The following IKZF2 variants were observed in gnomAD, a reference collection of about 807,000 sequenced individuals.
The protein encoded by IKZF2 is IKAROS family zinc finger 2, also known as zinc finger protein Helios.
Under a neutral mutation model 49.2 loss-of-function variants are expected in IKZF2, and 15 were observed. The observed-to-expected ratio is 0.30, with a 90% CI of 0.20 to 0.47. The LOEUF (loss-of-function observed/expected upper bound fraction) is 0.47. Ranked by LOEUF, IKZF2 falls within the 20% of genes least tolerant of loss-of-function variation. IKZF2 has a pLI of 1.00. For synonymous variants in IKZF2, 227 were observed against 221.4 expected, an observed-to-expected ratio of 1.03 and a Z score of -0.23; for missense variants, 567 against 664.6, an observed-to-expected ratio of 0.85 and a Z score of 1.61.
intron 4 of IKZF2, among the ~76,000 whole-genome samples, chr2:213,132,928 C>T (rs968128358): frequency 8.5e-5 from 13 of 152,210 alleles, no homozygotes; most frequent in African/African-American, 2.9e-4. Context: ...TCTGCATACA[C>T]ATTTCTTTTC....
At chr2:213,072,461 A>G (rs1702814255) in intron 4 of IKZF2, among the ~76,000 whole-genome samples, 1 of 152,108 alleles carries the variant, frequency 6.6e-6, no homozygotes. Flanking sequence ...GACAGTCTAC[A>G]ATCTGCAGAT....
At chr2:213,129,662 T>A (rs1470192360) in intron 4 of IKZF2, among the ~76,000 whole-genome samples, 3 of 152,142 alleles carry the variant, frequency 2.0e-5, no homozygotes, top group Non-Finnish European at 4.4e-5. Flanking sequence ...TGTTATGATC[T>A]GATTTGGGTT....
rs960194323 is a variant in IKZF2 at position 213,041,661 on chromosome 2, G to T, written c.574+8052C>A. Among the ~76,000 whole-genome samples, 3 of 151,988 alleles carry T rather than the reference G, an allele frequency of 2.0e-5. No homozygotes were observed. The South Asian group carries it at 6.2e-4, about 32-fold the overall frequency. Reference sequence around the variant, plus strand: ...CATAAAACATTTCAATTATTTATTTGTCTCCCCTTTCCCTCTTCTCCTTCC... The same window carrying T: ...CATAAAACATTTCAATTATTTATTTTTCTCCCCTTTCCCTCTTCTCCTTCC... On this transcript the variant is annotated intron_variant, in intron 6 of 8. Transcript: ENST00000434687.
intron 4 of IKZF2, among the ~76,000 whole-genome samples, chr2:213,113,583 C>G (rs1385731105): frequency 6.6e-6 from 1 of 152,146 alleles, no homozygotes; most frequent in Non-Finnish European, 1.5e-5. Flanking sequence ...AAGAAATCCC[C>G]TAACTCTGCA....
intron 4 of IKZF2, among the ~76,000 whole-genome samples, chr2:213,100,357 A>G (rs1706510543): frequency 6.6e-6 from 1 of 152,086 alleles, no homozygotes; most frequent in South Asian, 2.1e-4. Flanking sequence ...TATAAAGAAT[A>G]CTTGATTTTA....
At chr2:213,046,783 G>C (rs990826063) in intron 6 of IKZF2, among the ~76,000 whole-genome samples, 1 of 152,124 alleles carries the variant, frequency 6.6e-6, no homozygotes, top group African/African-American at 2.4e-5. Context: ...ATTCACTGTA[G>C]TGAAGGCTGT....
At chr2:213,068,292 C>A (rs1702347086) in intron 4 of IKZF2, among the ~76,000 whole-genome samples, 1 of 152,098 alleles carries the variant, frequency 6.6e-6, no homozygotes, top group African/African-American at 2.4e-5. Context: ...AAAATTTATA[C>A]AAACTGGGTT....
intron 4 of IKZF2, among the ~76,000 whole-genome samples, chr2:213,087,955 T>A (rs528424731): frequency 6.6e-6 from 1 of 152,306 alleles, no homozygotes; most frequent in East Asian, 1.9e-4. Flanking sequence ...GAATAGTGCC[T>A]CAATAAACAC....
chr2:213,071,295 T>C (rs1448049132), intron 4 of IKZF2, among the ~76,000 whole-genome samples: 2 of 151,826 alleles, frequency 1.3e-5, no homozygotes, highest in African/African-American at 4.8e-5. Context: ...GGAATAAAAA[T>C]ATACAACATT....
chr2:213,121,142 C>T (rs2060043556), intron 4 of IKZF2, among the ~76,000 whole-genome samples: 1 of 152,140 alleles, frequency 6.6e-6, no homozygotes, highest in African/African-American at 2.4e-5. Flanking sequence ...TCATAAAGTA[C>T]TAAATAGATA....
At chr2:213,150,705 G>A (rs531544760) in intron 1 of IKZF2, among the ~76,000 whole-genome samples, 5 of 138,440 alleles carry the variant, frequency 3.6e-5, no homozygotes, top group East Asian at 4.6e-4. Flanking sequence ...AAAGAAAAGG[G>A]GGGGGGGGCG....
At chr2:213,116,566 C>G (rs969870343) in intron 4 of IKZF2, among the ~76,000 whole-genome samples, 2 of 152,098 alleles carry the variant, frequency 1.3e-5, no homozygotes, top group African/African-American at 4.8e-5. Flanking sequence ...GGGATCTTGT[C>G]TGTACAAAAA....
At chr2:213,033,123 T>C (rs1698646774) in intron 6 of IKZF2, among the ~76,000 whole-genome samples, 1 of 152,244 alleles carries the variant, frequency 6.6e-6, no homozygotes, top group African/African-American at 2.4e-5. Context: ...CCACTTTCTT[T>C]GCCCATTGTA....
chr2:213,072,876 TAG>T (rs1445891429), intron 4 of IKZF2, among the ~76,000 whole-genome samples: 3 of 152,202 alleles, frequency 2.0e-5, no homozygotes, highest in African/African-American at 7.2e-5. Flanking sequence ...CCCATTCAGT[TAG>T]AGACTGAATT....
intron 4 of IKZF2, among the ~76,000 whole-genome samples, chr2:213,135,696 A>G (rs1193909267): frequency 1.3e-5 from 2 of 152,066 alleles, no homozygotes; most frequent in Non-Finnish European, 2.9e-5. Context: ...GGAAAGGAAA[A>G]GGAAAGAAAA....
At chr2:213,127,652 A>C (rs945118789) in intron 4 of IKZF2, among the ~76,000 whole-genome samples, 2 of 152,232 alleles carry the variant, frequency 1.3e-5, no homozygotes, top group Non-Finnish European at 2.9e-5. Context: ...TATATTACAC[A>C]CAAATAGTCC....
chr2:213,127,401 T>G (rs573875714), intron 4 of IKZF2, among the ~76,000 whole-genome samples: 2 of 152,284 alleles, frequency 1.3e-5, no homozygotes, highest in East Asian at 3.9e-4. Context: ...CCTAAGGATG[T>G]TCTCAGTAAA....
intron 4 of IKZF2, among the ~76,000 whole-genome samples, chr2:213,079,354 A>G (rs1449882738): frequency 6.6e-6 from 1 of 151,098 alleles, no homozygotes; most frequent in Non-Finnish European, 1.5e-5. Context: ...ACTGAAGCCT[A>G]GGTGACACAA....
chr2:213,076,859 G>T (rs373023525), intron 4 of IKZF2, among the ~76,000 whole-genome samples: 2 of 152,098 alleles, frequency 1.3e-5, no homozygotes, highest in Non-Finnish European at 2.9e-5. Context: ...CGGAGATCGC[G>T]CCACTGCACT....
Sources: allele counts gnomAD v4.1 joint callset (sites outside exome capture counted in the v4.1 genomes callset), GRCh38; gene constraint gnomAD v4.1.1; transcripts MANE v1.5; gene names NCBI Gene and HGNC (gene_info 2026-07-23, HGNC 2026-07-21).